The following NALF1 variants were observed in gnomAD, a reference collection of about 807,000 sequenced individuals.
NALF1 encodes family with sequence similarity 155 member A.
A neutral mutation model predicts 48.4 loss-of-function variants in NALF1; 3 were observed. The observed-to-expected ratio is 0.06, with a 90% CI of 0.03 to 0.16. NALF1 has a LOEUF of 0.16. Among genes scored for constraint, NALF1 ranks in the 10% least tolerant of loss-of-function variants. The pLI is 1.00. For missense variants in NALF1, 526 were observed against 571.5 expected (o/e 0.92, Z 0.81); for synonymous variants, 262 against 245.7 (o/e 1.07, Z -0.62).
chr13:107,497,712 G>C (rs564168766), intron 1 of NALF1, among the ~76,000 whole-genome samples: 4 of 152,280 alleles, frequency 2.6e-5, no homozygotes, highest in African/African-American at 9.6e-5. Flanking sequence ...TTATAGATAC[G>C]TGTGTGTATA....
At chr13:107,213,245 AAAAAAG>A (rs1411951063) in intron 1 of NALF1, among the ~76,000 whole-genome samples, 1 of 150,692 alleles carries the variant, frequency 6.6e-6, no homozygotes, top group East Asian at 1.9e-4. Context: ...AAAAAAAAAA[AAAAAAG>A]AAAAGAAAAA....
At chr13:107,274,224 A>G (rs1263248968) in intron 1 of NALF1, among the ~76,000 whole-genome samples, 1 of 152,074 alleles carries the variant, frequency 6.6e-6, no homozygotes, top group Non-Finnish European at 1.5e-5. Context: ...TAGAACATCT[A>G]CGGCACCAAA....
chr13:107,435,305 A>G (rs1005407035), intron 1 of NALF1, among the ~76,000 whole-genome samples: 2 of 151,162 alleles, frequency 1.3e-5, no homozygotes, highest in East Asian at 1.9e-4. Flanking sequence ...ATACTAAAAT[A>G]ATAGCATCTT....
Position 107,644,642 on chromosome 13 carries a change from C to CATATATATATATATATATATATATATAT in NALF1, c.915+221039_915+221040insATATATATATATATATATATATATATAT, listed in dbSNP as rs371201609. Among the ~76,000 whole-genome samples the CATATATATATATATATATATATATATAT allele has an allele frequency of 2.1e-3, 192 of 92,100 alleles. 9 individuals are homozygous for CATATATATATATATATATATATATATAT. Among genetic ancestry groups the CATATATATATATATATATATATATATAT allele is most frequent in the Non-Finnish European group, 2.9e-3 (132 of 44,874 alleles). The allele number at this position is 92,100 out of a possible 152,430, so 60.4% of individuals were successfully genotyped here. ...GTGTGTGTGTATACATACATACATACATACATATATATATATATATATATG... is the reference window on the plus strand; with the variant it reads ...GTGTGTGTGTATACATACATACATACATATATATATATATATATATATATATATATACATATATATATATATATATATG... On this transcript the variant is annotated intron_variant, in intron 1 of 2. Coordinates refer to ENST00000375915, the MANE Select transcript of NALF1 (RefSeq NM_001080396.3).
chr13:107,578,974 AT>A (rs1262582564), intron 1 of NALF1, among the ~76,000 whole-genome samples: 1 of 152,082 alleles, frequency 6.6e-6, no homozygotes, highest in Admixed American at 6.6e-5. Context: ...TTTCTACCAT[AT>A]TCCTTCTCAA....
intron 1 of NALF1, among the ~76,000 whole-genome samples, chr13:107,505,973 A>C (rs993024624): frequency 2.0e-5 from 3 of 152,192 alleles, no homozygotes; most frequent in Non-Finnish European, 4.4e-5. Flanking sequence ...ATGAAGGCTC[A>C]ATAAATACTG....
intron 1 of NALF1, among the ~76,000 whole-genome samples, chr13:107,388,061 C>T (rs1398786547): frequency 1.3e-5 from 2 of 152,164 alleles, no homozygotes; most frequent in African/African-American, 2.4e-5. Flanking sequence ...CTGTCCATTG[C>T]CTTTTTCCCC....
At chr13:107,684,685 A>C (rs1368714835) in intron 1 of NALF1, among the ~76,000 whole-genome samples, 1 of 152,320 alleles carries the variant, frequency 6.6e-6, no homozygotes, top group African/African-American at 2.4e-5. Flanking sequence ...CATGAAAAAA[A>C]CCTATCATTT....
At chr13:107,605,136 C>A (rs921372095) in intron 1 of NALF1, among the ~76,000 whole-genome samples, 1 of 152,096 alleles carries the variant, frequency 6.6e-6, no homozygotes, top group Non-Finnish European at 1.5e-5. Context: ...CTGCAATACC[C>A]AAAAGGATGA....
At chr13:107,747,842 T>C (rs1300324164) in intron 1 of NALF1, among the ~76,000 whole-genome samples, 2 of 152,168 alleles carry the variant, frequency 1.3e-5, no homozygotes, top group African/African-American at 4.8e-5. Context: ...CACATGCACA[T>C]GCACACGCAC....
chr13:107,508,886 C>T (rs1228424399), intron 1 of NALF1, among the ~76,000 whole-genome samples: 1 of 152,040 alleles, frequency 6.6e-6, no homozygotes, highest in Non-Finnish European at 1.5e-5. Flanking sequence ...ACTACGCTTT[C>T]CCTGCTAAAT....
At chr13:107,821,337 C>A (rs74112637) in intron 1 of NALF1, among the ~76,000 whole-genome samples, 2 of 152,266 alleles carry the variant, frequency 1.3e-5, no homozygotes, top group South Asian at 4.1e-4. Flanking sequence ...ATGATTCCTA[C>A]AGTTATATGT....
rs552790748 is a variant in NALF1 at position 107,276,442 on chromosome 13, A to G, written c.916-65687T>C. On this transcript the variant is annotated intron_variant, in intron 1 of 2. Transcript: ENST00000375915. ...CAGGAAATAACAGATTACGTAGTAGATGCCAATGAATCTAGCATATACTCA... is the reference window on the plus strand; with the variant it reads ...CAGGAAATAACAGATTACGTAGTAGGTGCCAATGAATCTAGCATATACTCA... 3.3e-4 allele frequency among the ~76,000 whole-genome samples: 51 copies of G among 152,316 alleles called. 1 individual carries two copies. The South Asian group carries it at 0.011, about 32-fold the overall frequency.
intron 1 of NALF1, among the ~76,000 whole-genome samples, chr13:107,586,443 A>G (rs752835725): frequency 6.6e-6 from 1 of 152,118 alleles, no homozygotes; most frequent in Non-Finnish European, 1.5e-5. Flanking sequence ...CAGTAAATTC[A>G]ACAGCTTCAG....
intron 1 of NALF1, among the ~76,000 whole-genome samples, chr13:107,828,490 TTG>T (rs1331797375): frequency 1.9e-5 from 1 of 53,824 alleles, no homozygotes; most frequent in African/African-American, 4.6e-5. Flanking sequence ...AGCCACTGAC[TTG>T]TTTTTTTTTT....
intron 1 of NALF1, among the ~76,000 whole-genome samples, chr13:107,599,885 T>C (rs1338492260): frequency 6.6e-6 from 1 of 152,194 alleles, no homozygotes; most frequent in Non-Finnish European, 1.5e-5. Flanking sequence ...ATTACATGGG[T>C]CATAAAATAT....
chr13:107,230,387 T>C (rs1880195155), intron 1 of NALF1, among the ~76,000 whole-genome samples: 1 of 152,180 alleles, frequency 6.6e-6, no homozygotes, highest in South Asian at 2.1e-4. Context: ...TATCTATGCA[T>C]AGGAGCTAAA....
intron 1 of NALF1, among the ~76,000 whole-genome samples, chr13:107,832,055 C>T (rs561599046): frequency 3.9e-5 from 6 of 152,144 alleles, no homozygotes; most frequent in Non-Finnish European, 7.4e-5. Flanking sequence ...TAGAACTACA[C>T]ATTTTGTGAT....
intron 1 of NALF1, among the ~76,000 whole-genome samples, chr13:107,575,103 C>T (rs1417694463): frequency 1.3e-5 from 2 of 151,968 alleles, no homozygotes; most frequent in African/African-American, 4.8e-5. Context: ...GCACAAGGCC[C>T]ACCGTGAAAT....
Sources: gnomAD v4.1 joint callset for allele counts (sites outside exome capture counted in the v4.1 genomes callset) on GRCh38, gnomAD v4.1.1 for gene constraint, MANE v1.5 for transcripts, NCBI Gene and HGNC (gene_info 2026-07-23, HGNC 2026-07-21) for gene names.